USH2A: variants seen among roughly 807,000 people sequenced by gnomAD.
The protein encoded by USH2A is usherin.
USH2A carries 443 observed loss-of-function variants against 538.9 expected under a neutral mutation model. The ratio of observed to expected loss-of-function variants is 0.82; its 90% CI spans 0.76 to 0.89. The LOEUF is 0.89. Among genes scored for constraint, USH2A ranks in the 40% least tolerant of loss-of-function variants. The probability of loss-of-function intolerance (pLI) is 0.00; values close to 1 mark genes in which losing one functional copy is unlikely to be tolerated. For missense variants in USH2A, 6,633 were observed against 6,324.8 expected, an observed-to-expected ratio of 1.05 and a Z score of -1.65; for synonymous variants, 2,413 against 2,273.5, an observed-to-expected ratio of 1.06 and a Z score of -1.75.
chr1:215,748,084 G>T (rs907936716), intron 58 of USH2A, among the ~76,000 whole-genome samples: 1 of 151,960 alleles, frequency 6.6e-6, no homozygotes, highest in Non-Finnish European at 1.5e-5. Context: ...GTAGAGACGG[G>T]GTTTCACCTT....
chr1:215,628,526 G>T (rs978604064), intron 71 of USH2A, among the ~76,000 whole-genome samples: 1 of 152,046 alleles, frequency 6.6e-6, no homozygotes, highest in Non-Finnish European at 1.5e-5. Flanking sequence ...CAGGTGATCC[G>T]CCCACCTCGG....
chr1:215,941,009 T>C (rs1666619034), intron 37 of USH2A, among the ~76,000 whole-genome samples: 1 of 152,120 alleles, frequency 6.6e-6, no homozygotes, highest in South Asian at 2.1e-4. Flanking sequence ...ATTACTGTTC[T>C]AAATATCGCA....
At chr1:216,306,781 T>G (rs1180337167) in intron 9 of USH2A, among the ~76,000 whole-genome samples, 1 of 152,154 alleles carries the variant, frequency 6.6e-6, no homozygotes, top group African/African-American at 2.4e-5. Flanking sequence ...AGAGCTGAAC[T>G]GCAGTGATTG....
chr1:215,883,776 T>G (rs966829629), intron 41 of USH2A, among the ~76,000 whole-genome samples: 1 of 152,218 alleles, frequency 6.6e-6, no homozygotes, highest in Non-Finnish European at 1.5e-5. Flanking sequence ...GCCAATACCA[T>G]ATTATTATAA....
At chr1:215,988,585 A>G (rs1357846245) in intron 35 of USH2A, among the ~76,000 whole-genome samples, 2 of 152,184 alleles carry the variant, frequency 1.3e-5, no homozygotes, top group Admixed American at 1.3e-4. Flanking sequence ...CCTCTACACT[A>G]CTTTTCATAG....
rs778477542 is a variant in USH2A at position 215,779,987 on chromosome 1, T to A, written c.10795A>T (p.Thr3599Ser). Residue 3599 changes from threonine to serine, a missense_variant, in exon 55 of 72, where the codon ACA becomes TCA. Thr to Ser is a moderately conservative substitution (Grantham distance 58). Transcript: ENST00000307340. ...TGCAGAGCCACTGCACTTAGGGCTG[T>A]GATGCTTGGTGGCAGGATGCTCTCC... is the stretch of plus-strand genomic sequence containing the variant. ...VPESILPPSI[T>S]ALSAVALHLS... 1.2e-6 allele frequency: 2 copies of A among 1,614,002 alleles called. No individual in the cohort carries two copies.
intron 22 of USH2A, among the ~76,000 whole-genome samples, chr1:216,091,328 T>C (rs1426245131): frequency 6.6e-6 from 1 of 152,186 alleles, no homozygotes; most frequent in Non-Finnish European, 1.5e-5. Context: ...TCACTGAACA[T>C]AGAATATTTA....
intron 21 of USH2A, among the ~76,000 whole-genome samples, chr1:216,144,966 T>C (rs1027993540): frequency 3.3e-5 from 5 of 152,284 alleles, no homozygotes; most frequent in African/African-American, 9.6e-5. Context: ...TATCCAGAGA[T>C]AACAGTGTGT....
intron 9 of USH2A, among the ~76,000 whole-genome samples, chr1:216,317,213 T>C (rs2037525752): frequency 6.6e-6 from 1 of 152,116 alleles, no homozygotes; most frequent in Non-Finnish European, 1.5e-5. Flanking sequence ...CCCATTACTG[T>C]GTATTACCAG....
At chr1:216,094,581 T>C (rs2102570413) in intron 22 of USH2A, among the ~76,000 whole-genome samples, 1 of 152,350 alleles carries the variant, frequency 6.6e-6, no homozygotes. Flanking sequence ...AACTTAATAT[T>C]ACTAGATTTA....
intron 9 of USH2A, among the ~76,000 whole-genome samples, chr1:216,304,993 T>C (rs576486694): frequency 6.6e-6 from 1 of 152,214 alleles, no homozygotes; most frequent in South Asian, 2.1e-4. Flanking sequence ...TATTCTGCAG[T>C]TGTTGGGTAG....
intron 19 of USH2A, 38 bp from the exon 20 acceptor site, chr1:216,190,405 T>C (rs370040048): frequency 1.1e-5 from 17 of 1,584,822 alleles, no homozygotes; most frequent in Non-Finnish European, 1.4e-5. Flanking sequence ...GAAAGAAAGA[T>C]AATAGGTAAT....
At chr1:216,198,786 G>A (rs1018918535) in intron 17 of USH2A, among the ~76,000 whole-genome samples, 2 of 152,050 alleles carry the variant, frequency 1.3e-5, no homozygotes, top group African/African-American at 4.8e-5. Flanking sequence ...ACAACAAACT[G>A]CTATATAGAT....
intron 37 of USH2A, among the ~76,000 whole-genome samples, chr1:215,937,063 GC>G (rs1251692823): frequency 6.6e-6 from 1 of 151,914 alleles, no homozygotes; most frequent in Non-Finnish European, 1.5e-5. Context: ...GCAGAAGAAA[GC>G]CCTAATGGCA....
intron 49 of USH2A, among the ~76,000 whole-genome samples, chr1:215,801,944 G>C (rs1435848330): frequency 6.6e-6 from 1 of 151,738 alleles, no homozygotes; most frequent in Non-Finnish European, 1.5e-5. Flanking sequence ...GGATAGAACA[G>C]AGATCCTAAA....
At chr1:216,229,079 C>G (rs140730912) in intron 14 of USH2A, among the ~76,000 whole-genome samples, 5,329 of 151,882 alleles carry the variant, frequency 0.035, 326 homozygotes, top group African/African-American at 0.12. Flanking sequence ...GAGGCTGAGG[C>G]AGGAGAATCT....
At chr1:215,804,718 C>A (rs1662443466) in intron 49 of USH2A, among the ~76,000 whole-genome samples, 1 of 152,040 alleles carries the variant, frequency 6.6e-6, no homozygotes, top group Non-Finnish European at 1.5e-5. Flanking sequence ...TTGTGGAAGT[C>A]AGTGTGGCGA....
chr1:216,325,588 T>C lies in USH2A; in HGVS notation c.860A>G (p.Glu287Gly). The change falls in exon 6 of 72, where the codon GAA becomes GGA. Residue 287 changes from glutamate (E) to glycine (G), a missense_variant. Transcript: ENST00000307340. ...TCTGAGAAGATCTCCAGAGAAGACTTCCAGAATCTCTCTGTGGGAGTCAAG... is the reference window on the plus strand; with the variant it reads ...TCTGAGAAGATCTCCAGAGAAGACTCCCAGAATCTCTCTGTGGGAGTCAAG... The part of the protein sequence containing the change: ...QVALTNREIL[E>G]VFSGDLLRLH... 1 of 1,613,036 alleles carries C rather than the reference T, an allele frequency of 6.2e-7. No individual in the cohort carries two copies.
At chr1:216,259,757 A>C (rs1336126872) in intron 11 of USH2A, among the ~76,000 whole-genome samples, 1 of 152,096 alleles carries the variant, frequency 6.6e-6, no homozygotes, top group Admixed American at 6.6e-5. Flanking sequence ...AAAATATAAA[A>C]TTTTTGGTAA....
Sources: allele counts gnomAD v4.1 joint callset (sites outside exome capture counted in the v4.1 genomes callset), GRCh38; gene constraint gnomAD v4.1.1; transcripts MANE v1.5; gene names NCBI Gene and HGNC (gene_info 2026-07-23, HGNC 2026-07-21).